The following CCL5 variants were observed in gnomAD, a reference collection of about 807,000 sequenced individuals.
CCL5 encodes the protein C-C motif chemokine ligand 5, also known as C-C motif chemokine 5.
CCL5 carries 5 observed loss-of-function variants against 9.0 expected under a neutral mutation model. That is an observed-to-expected ratio of 0.55 (90% CI 0.29 to 1.16). CCL5 has a LOEUF of 1.16. CCL5 is among the 50% of genes most tolerant of loss of function. The probability of loss-of-function intolerance (pLI) is 0.08; values close to 1 mark genes in which losing one functional copy is unlikely to be tolerated. For missense variants in CCL5, 183 were observed against 183.2 expected, an observed-to-expected ratio of 1.00 and a Z score of 0.01; for synonymous variants, 66 against 72.0, an observed-to-expected ratio of 0.92 and a Z score of 0.42.
At chr17:35,874,381 A>G (rs2088415111) in intron 3 of CCL5, among the ~76,000 whole-genome samples, 1 of 152,096 alleles carries the variant, frequency 6.6e-6, no homozygotes, top group Admixed American at 6.5e-5. Flanking sequence ...CTGCAGCCTC[A>G]ACCTCCTGGG....
chr17:35,876,855 C>A (rs2088447537), intron 2 of CCL5, among the ~76,000 whole-genome samples: 1 of 152,168 alleles, frequency 6.6e-6, no homozygotes, highest in Admixed American at 6.5e-5. Context: ...CAGGCCAAAT[C>A]TCTCCTCAGA....
At chr17:35,873,997 G>A (rs1223544735) in intron 3 of CCL5, among the ~76,000 whole-genome samples, 19 of 152,144 alleles carry the variant, frequency 1.2e-4, no homozygotes. Context: ...AAAGTTGGGG[G>A]TCATGAGGGT....
chr17:35,874,573 A>G (rs1266174897), intron 3 of CCL5, among the ~76,000 whole-genome samples: 1 of 152,174 alleles, frequency 6.6e-6, no homozygotes, highest in Non-Finnish European at 1.5e-5. Context: ...AAATGCTGGT[A>G]TTACAGGGGT....
chr17:35,877,299 C>T (rs371213739), intron 2 of CCL5, among the ~76,000 whole-genome samples: 2 of 152,110 alleles, frequency 1.3e-5, no homozygotes, highest in African/African-American at 2.4e-5. Flanking sequence ...TGCTTGAACC[C>T]GGGAGGCAAA....
intron 3 of CCL5, among the ~76,000 whole-genome samples, chr17:35,875,214 G>A (rs2088427502): frequency 6.6e-6 from 1 of 151,970 alleles, no homozygotes; most frequent in South Asian, 2.1e-4. Flanking sequence ...AGCTCTTGTG[G>A]TTCTCCTGAT....
At chr17:35,880,040 G>A (rs1385909983) in intron 1 of CCL5, among the ~76,000 whole-genome samples, 190 bp downstream of exon 1, 3 of 152,206 alleles carry the variant, frequency 2.0e-5, no homozygotes, top group Non-Finnish European at 2.9e-5. Context: ...CCATGAAGCA[G>A]CATAGAGATC....
chr17:35,877,341 C>T lies in CCL5; in HGVS notation c.188+1187G>A, dbSNP rs28368731. 4.9e-3 allele frequency among the ~76,000 whole-genome samples: 748 copies of T among 152,306 alleles called. 6 individuals are homozygous for T. The highest frequency in any genetic ancestry group is 0.017 in the African/African-American group (709 of 41,562). ...AGTGAGCTGAGATTGCACCATTGTA[C>T]TCCAGCCTGGGCAACAGAGTGAGTG... is the stretch of plus-strand genomic sequence containing the variant. On this transcript the variant is annotated intron_variant, in intron 2 of 3. Coordinates refer to ENST00000651122, the MANE Select transcript of CCL5 (RefSeq NM_001278736.2).
Position 35,872,316 on chromosome 17 carries a change from A to G in CCL5, c.419T>C (p.Leu140Pro), listed in dbSNP as rs1347025016. The change falls in exon 4 of 4, where the codon CTA becomes CCA. Residue 140 changes from leucine (L) to proline (P), a missense_variant. Physicochemically the swap from Leu to Pro is moderately conservative, Grantham distance 98 (BLOSUM62 -3). Coordinates refer to ENST00000651122, the MANE Select transcript of CCL5 (RefSeq NM_001278736.2). ...ATAGTGAGGGGAAGCCTCCCAAGCT[A>G]GGACAAGAGCAAGCAGAAACAGGCA... 6.2e-7 allele frequency: 1 copy of G among 1,605,728 alleles called. No homozygotes were observed. Among genetic ancestry groups the G allele is most frequent in the East Asian group, 2.2e-5 (1 of 44,602 alleles).
Position 35,872,398 on chromosome 17 carries a change from G to C in CCL5, c.337C>G (p.Gln113Glu). Residue 113 changes from glutamine (Q) to glutamate (E), a missense_variant, in exon 4 of 4, where the codon CAA becomes GAA. Coordinates refer to ENST00000651122, the MANE Select transcript of CCL5 (RefSeq NM_001278736.2). ...CATCCTAGCTCATCTCCAAAGAGTT[G>C]ATGTACTCCCGAACCCATTTCTTCT... The C allele has an allele frequency of 6.2e-7, 1 of 1,613,918 alleles. No homozygotes were observed. The highest frequency in any genetic ancestry group is 8.5e-7 in the Non-Finnish European group (1 of 1,179,980).
At chr17:35,879,511 T>C (rs1323046868) in intron 1 of CCL5, among the ~76,000 whole-genome samples, 2 of 151,898 alleles carry the variant, frequency 1.3e-5, no homozygotes, top group African/African-American at 4.8e-5. Flanking sequence ...GGCGGGTGCC[T>C]GTAGTCCCCG....
intron 2 of CCL5, among the ~76,000 whole-genome samples, chr17:35,876,977 T>C (rs2088449079): frequency 6.6e-6 from 1 of 152,182 alleles, no homozygotes; most frequent in African/African-American, 2.4e-5. Flanking sequence ...GTGTCTGTCT[T>C]GCCCCTCTTA....
intron 3 of CCL5, among the ~76,000 whole-genome samples, chr17:35,873,939 A>G (rs2088409785): frequency 6.6e-6 from 1 of 152,088 alleles, no homozygotes; most frequent in South Asian, 2.1e-4. Context: ...GCCTATGAGA[A>G]TCAGAGGCCT....
intron 3 of CCL5, among the ~76,000 whole-genome samples, chr17:35,874,409 C>T (rs2088415566): frequency 6.6e-6 from 1 of 152,134 alleles, no homozygotes. Flanking sequence ...GATCCTCCCA[C>T]CTTAGCCTCC....
chr17:35,876,860 C>T (rs1568350162), intron 2 of CCL5, among the ~76,000 whole-genome samples: 1 of 152,166 alleles, frequency 6.6e-6, no homozygotes, highest in Non-Finnish European at 1.5e-5. Flanking sequence ...CAAATCTCTC[C>T]TCAGACAGCA....
At chr17:35,876,963 T>G (rs1402122980) in intron 2 of CCL5, among the ~76,000 whole-genome samples, 1 of 152,186 alleles carries the variant, frequency 6.6e-6, no homozygotes, top group Non-Finnish European at 1.5e-5. Flanking sequence ...CTCTAGTCAT[T>G]GCTGTGTCTG....
Position 35,879,999 on chromosome 17 carries a change from A to G in CCL5, c.76+231T>C, listed in dbSNP as rs2280789. ...TGTAGGCCTTGAGGGTGTAGACCTT[A>G]AAGACAGAAAAACTGATCAGGAGAT... On this transcript the variant is annotated intron_variant, in intron 1 of 3. Transcript: ENST00000651122. 0.16 allele frequency among the ~76,000 whole-genome samples: 24,726 copies of G among 152,178 alleles called. 2,242 individuals are homozygous for G. Among genetic ancestry groups the G allele is most frequent in the East Asian group, 0.33 (1,711 of 5,178 alleles).
chr17:35,879,476 A>G (rs1482025905), intron 1 of CCL5, among the ~76,000 whole-genome samples: 5 of 152,074 alleles, frequency 3.3e-5, no homozygotes, highest in Middle Eastern at 3.2e-3. Flanking sequence ...CTACTAAAAA[A>G]TACAAAACAT....
rs188059261 is a variant in CCL5, at chr17:35,876,124, C to T, written c.189-482G>A. Among the ~76,000 whole-genome samples, 16 of 152,250 alleles carry T rather than the reference C, an allele frequency of 1.1e-4. No individual in the cohort carries two copies. The East Asian group carries it at 3.1e-3, about 29-fold the overall frequency. On this transcript the variant is annotated intron_variant, in intron 2 of 3. Transcript: ENST00000651122. Reference sequence around the variant, plus strand: ...CCCAGTGGGGGAAGTACTTCTATTACCCTATTTTGTAGAGGAGGTAATTGG... The same window carrying T: ...CCCAGTGGGGGAAGTACTTCTATTATCCTATTTTGTAGAGGAGGTAATTGG...
In CCL5 at chr17:35,878,585, C is replaced by A. The variant is rs113918031; in HGVS notation, c.131G>T (p.Arg44Leu). 14 of 1,613,700 alleles carry A rather than the reference C, an allele frequency of 8.7e-6. No individual in the cohort carries two copies. The African/African-American group carries it at 1.1e-4, about 12-fold the overall frequency. ...GTAGAAATACTCCTTGATGTGGGCA[C>A]GGGGCAGTGGGCGGGCAATGTAGGC... Residue 44 changes from arginine (R) to leucine (L), a missense_variant, in exon 2 of 4, where the codon CGT (arginine) becomes CTT (leucine). By Grantham distance (102) the Arg-to-Leu change is moderately radical. Transcript: ENST00000651122.
Sources: allele counts gnomAD v4.1 joint callset (sites outside exome capture counted in the v4.1 genomes callset), GRCh38; gene constraint gnomAD v4.1.1; transcripts MANE v1.5; gene names NCBI Gene and HGNC (gene_info 2026-07-23, HGNC 2026-07-21).